Variants in AGAP1 observed in about 807,000 individuals in gnomAD.
The protein encoded by AGAP1 is ArfGAP with GTPase domain, ankyrin repeat and PH domain 1, also known as arf-GAP with GTPase, ANK repeat and PH domain-containing protein 1.
AGAP1 carries 29 observed loss-of-function variants against 105.3 expected under a neutral mutation model. The observed-to-expected ratio is 0.28, with a 90% CI of 0.21 to 0.38. The LOEUF is 0.38. Ranked by LOEUF, AGAP1 falls within the 10% of genes least tolerant of loss-of-function variation. AGAP1 has a pLI of 1.00. For synonymous variants in AGAP1, 509 were observed against 485.9 expected (o/e 1.05, Z -0.63); for missense variants, 998 against 1,165.1 (o/e 0.86, Z 2.09).
At position 235,977,169 on chromosome 2, in the gene AGAP1, G is replaced by A. The variant is rs760301296; in HGVS notation, c.1645+8546G>A. 2.0e-5 allele frequency among the ~76,000 whole-genome samples: 3 copies of A among 152,144 alleles called. No individual in the cohort carries two copies. The highest frequency in any genetic ancestry group is 4.4e-5 in the Non-Finnish European group (3 of 68,036). ...AGAACTCGGGGCACCGTGTTTTCCT[G>A]TGTGCACCCTGGGATTGGAATTCGG... On this transcript the variant is annotated intron_variant, in intron 13 of 17. Coordinates refer to ENST00000304032, the MANE Select transcript of AGAP1 (RefSeq NM_001037131.3). This position sits in a 1 kb window ranked among gnomAD's most constrained non-coding sequence, Gnocchi z 5.2.
intron 16 of AGAP1, among the ~76,000 whole-genome samples, chr2:236,086,801 A>C (rs1255200819): frequency 7.2e-5 from 11 of 151,898 alleles, no homozygotes; most frequent in African/African-American, 1.2e-4. Flanking sequence ...CATCGGCCTT[A>C]TTTCTTTCTT....
chr2:235,628,195 C>T (rs913356116), intron 1 of AGAP1, among the ~76,000 whole-genome samples: 2 of 152,142 alleles, frequency 1.3e-5, no homozygotes, highest in East Asian at 1.9e-4. Flanking sequence ...CCCCAGCACA[C>T]GTCAGGCACT....
chr2:235,569,530 AC>A lies in AGAP1; in HGVS notation c.163+74683del, dbSNP rs1944452414. On this transcript the variant is annotated intron_variant, in intron 1 of 17. Coordinates refer to ENST00000304032, the MANE Select transcript of AGAP1 (RefSeq NM_001037131.3). This position sits in a 1 kb window ranked among gnomAD's most constrained non-coding sequence, Gnocchi z 5.9. ...ATGGAAAGCAAACCTGGCCTCTTGT[AC>A]CTCTGAGCCCCGAATTCTGCCCTCT... Among the ~76,000 whole-genome samples, 1 of 152,040 alleles carries A rather than the reference AC, an allele frequency of 6.6e-6. No individual in the cohort carries two copies. The highest frequency in any genetic ancestry group is 1.5e-5 in the Non-Finnish European group (1 of 68,006).
chr2:235,933,618 C>T (rs893693663), intron 12 of AGAP1, among the ~76,000 whole-genome samples: 21 of 151,690 alleles, frequency 1.4e-4, no homozygotes, highest in African/African-American at 3.1e-4. Flanking sequence ...CTGCAACCTC[C>T]GCCTCCCGGA....
chr2:235,530,351 A>G (rs562284174), intron 1 of AGAP1, among the ~76,000 whole-genome samples: 103 of 152,290 alleles, frequency 6.8e-4, no homozygotes, highest in East Asian at 9.6e-4. Flanking sequence ...AAGGGCTTTC[A>G]CGGGAGCCCT....
rs146771694 is a variant in AGAP1 at position 235,963,398 on chromosome 2, T to C, written c.1484-5064T>C. Among the ~76,000 whole-genome samples, 819 of 152,292 alleles carry C rather than the reference T, an allele frequency of 5.4e-3. 4 individuals carry two copies. The highest frequency in any genetic ancestry group is 0.019 in the African/African-American group (769 of 41,558). The stretch of plus-strand genomic sequence containing the variant: ...CTGAATTCAGTTGTTAAAGGGCTGC[T>C]TTGTGTGCACATAGAAAAGGAAACA... On this transcript the variant is annotated intron_variant, in intron 12 of 17. Coordinates refer to ENST00000304032, the MANE Select transcript of AGAP1 (RefSeq NM_001037131.3). This position sits in a 1 kb window ranked among gnomAD's most constrained non-coding sequence, Gnocchi z 5.1.
intron 1 of AGAP1, among the ~76,000 whole-genome samples, chr2:235,526,308 A>G (rs1002723822): frequency 1.3e-5 from 2 of 152,230 alleles, no homozygotes; most frequent in Admixed American, 6.5e-5. Flanking sequence ...AGGCATATCT[A>G]GGTTCTCTTG....
chr2:235,708,856 G>A (rs767978658), intron 1 of AGAP1, among the ~76,000 whole-genome samples: 4 of 152,212 alleles, frequency 2.6e-5, no homozygotes, highest in Non-Finnish European at 4.4e-5. Context: ...GGCACAGTCA[G>A]GAGGGTCTGA....
Position 235,973,424 on chromosome 2 carries a change from G to C in AGAP1, c.1645+4801G>C, listed in dbSNP as rs770554800. Among the ~76,000 whole-genome samples, 1 of 152,150 alleles carries C rather than the reference G, an allele frequency of 6.6e-6. No individual in the cohort carries two copies. The highest frequency in any genetic ancestry group is 2.4e-5 in the African/African-American group (1 of 41,438). ...AGATGTGTGGATGACAGAGCCCGTC[G>C]CTAGGCTCTTATGTCACAGATGGGC... On this transcript the variant is annotated intron_variant, in intron 13 of 17. Transcript: ENST00000304032. The surrounding 1 kb of genome is among the most constrained non-coding windows in gnomAD (Gnocchi z 4.7).
At position 235,780,324 on chromosome 2, in the gene AGAP1, T is replaced by G. The variant is rs183029975; in HGVS notation, c.674-17435T>G. Among the ~76,000 whole-genome samples the G allele has an allele frequency of 8.3e-4, 127 of 152,346 alleles. 2 individuals are homozygous for G. The highest frequency in any genetic ancestry group is 6.8e-3 in the Middle Eastern group (2 of 294). On this transcript the variant is annotated intron_variant, in intron 6 of 17. Transcript: ENST00000304032. ...ATGCAGCAAAATATATATATATGTA[T>G]TTCCACAGAAAATTGGATTCTGCCC...
chr2:235,807,068 G>C (rs189174405), intron 8 of AGAP1, among the ~76,000 whole-genome samples, 171 bp from the exon 9 acceptor site: 1 of 152,352 alleles, frequency 6.6e-6, no homozygotes, highest in South Asian at 2.1e-4. Flanking sequence ...AAAATGATGA[G>C]TCAGTGGAGA....
chr2:235,847,223 A>T (rs1961602801), intron 9 of AGAP1, among the ~76,000 whole-genome samples: 1 of 152,214 alleles, frequency 6.6e-6, no homozygotes, highest in African/African-American at 2.4e-5. Flanking sequence ...AAGGAAGAAA[A>T]GATGGTTTGG....
rs1056994989 is a variant in AGAP1, at chr2:235,719,753, T to C, written c.310+2109T>C. Reference sequence around the variant, plus strand: ...TCTCATGCCCTGCAGCAGCCCTCCCTGGGCATGTGGCCTCTCACCTTTTGA... The same window carrying C: ...TCTCATGCCCTGCAGCAGCCCTCCCCGGGCATGTGGCCTCTCACCTTTTGA... On this transcript the variant is annotated intron_variant, in intron 3 of 17. Coordinates refer to ENST00000304032, the MANE Select transcript of AGAP1 (RefSeq NM_001037131.3). The surrounding 1 kb of genome is among the most constrained non-coding windows in gnomAD (Gnocchi z 4.9). Among the ~76,000 whole-genome samples, 3 of 152,166 alleles carry C rather than the reference T, an allele frequency of 2.0e-5. No individual in the cohort carries two copies. Among genetic ancestry groups the C allele is most frequent in the Non-Finnish European group, 4.4e-5 (3 of 68,028 alleles).
rs1957383933 is a variant in AGAP1, at chr2:235,799,271, G to A, written c.802-96G>A. 2 of 1,412,580 alleles carry A rather than the reference G, an allele frequency of 1.4e-6. No homozygotes were observed. Among genetic ancestry groups the A allele is most frequent in the African/African-American group, 1.4e-5 (1 of 70,174 alleles). 87.5% of individuals were successfully genotyped at this position (1,412,580 alleles called of 1,614,324 possible). ...CCATTCCCATGCATCCCTTCCATGG[G>A]GCTCATGCTCACTTGTTGGTTATGA... is the stretch of plus-strand genomic sequence containing the variant. On this transcript the variant is annotated intron_variant, in intron 7 of 17. Coordinates refer to ENST00000304032, the MANE Select transcript of AGAP1 (RefSeq NM_001037131.3). This position sits in a 1 kb window ranked among gnomAD's most constrained non-coding sequence, Gnocchi z 5.0.
chr2:235,651,231 A>C (rs550769055), intron 1 of AGAP1, among the ~76,000 whole-genome samples: 2 of 142,228 alleles, frequency 1.4e-5, no homozygotes, highest in East Asian at 4.6e-4. Context: ...ACACCCTTGC[A>C]GGCAGTGGTC....
chr2:236,107,446 A>T lies in AGAP1; in HGVS notation c.2115-12746A>T, dbSNP rs531413755. 2.6e-5 allele frequency among the ~76,000 whole-genome samples: 4 copies of T among 152,216 alleles called. No homozygotes were observed. The South Asian group carries it at 6.2e-4, about 24-fold the overall frequency. Reference sequence around the variant, plus strand: ...TTTTTGCGCGCTTTCATGATTCCTCAGACAGTCTCCATAGGTTGCCTCAAG... The same window carrying T: ...TTTTTGCGCGCTTTCATGATTCCTCTGACAGTCTCCATAGGTTGCCTCAAG... On this transcript the variant is annotated intron_variant, in intron 16 of 17. Coordinates refer to ENST00000304032, the MANE Select transcript of AGAP1 (RefSeq NM_001037131.3).
In AGAP1 at chr2:235,664,200, A is replaced by G. The variant is rs964088076; in HGVS notation, c.164-44979A>G. Among the ~76,000 whole-genome samples the G allele has an allele frequency of 1.3e-5, 2 of 151,684 alleles. No individual in the cohort carries two copies. The highest frequency in any genetic ancestry group is 2.9e-5 in the Non-Finnish European group (2 of 67,936). Reference sequence around the variant, plus strand: ...GATGCTTAATAGATTGGATTTTAATATATAGTTTGTTTTTTTGTTTTTTTT... The same window carrying G: ...GATGCTTAATAGATTGGATTTTAATGTATAGTTTGTTTTTTTGTTTTTTTT... On this transcript the variant is annotated intron_variant, in intron 1 of 17. Coordinates refer to ENST00000304032, the MANE Select transcript of AGAP1 (RefSeq NM_001037131.3). The surrounding 1 kb of genome is among the most constrained non-coding windows in gnomAD (Gnocchi z 5.7).
intron 12 of AGAP1, among the ~76,000 whole-genome samples, chr2:235,956,755 T>A (rs1461907309): frequency 6.6e-6 from 1 of 152,200 alleles, no homozygotes; most frequent in African/African-American, 2.4e-5. Flanking sequence ...GTCAGCTGTG[T>A]AGAGCCAGAT....
chr2:235,560,446 T>TG (rs1186887682), intron 1 of AGAP1, among the ~76,000 whole-genome samples: 1 of 151,844 alleles, frequency 6.6e-6, no homozygotes, highest in Non-Finnish European at 1.5e-5. Flanking sequence ...CCCCAGAACT[T>TG]GCGATGATGT....
Sources: gnomAD v4.1 joint callset for allele counts (sites outside exome capture counted in the v4.1 genomes callset) on GRCh38, gnomAD v4.1.1 for gene constraint, Gnocchi (gnomAD v3.1) non-coding constraint, MANE v1.5 for transcripts, NCBI Gene and HGNC (gene_info 2026-07-23, HGNC 2026-07-21) for gene names.